Variants in IQCH observed in about 807,000 individuals in gnomAD.
IQCH encodes the protein IQ motif containing H.
Under a neutral mutation model 117.0 loss-of-function variants are expected in IQCH, and 98 were observed. That is an observed-to-expected ratio of 0.84 (90% CI 0.71 to 0.99). The LOEUF is 0.99. Among genes scored for constraint, IQCH ranks in the 50% least tolerant of loss-of-function variants. The probability of loss-of-function intolerance (pLI) is 0.00; values close to 1 mark genes in which losing one functional copy is unlikely to be tolerated. For missense variants in IQCH, 1,102 were observed against 1,243.8 expected (o/e 0.89, Z 1.72); for synonymous variants, 412 against 448.2 (o/e 0.92, Z 1.02).
intron 3 of IQCH, among the ~76,000 whole-genome samples, chr15:67,264,616 T>C (rs1385546629): frequency 1.3e-5 from 2 of 152,164 alleles, no homozygotes; most frequent in Non-Finnish European, 2.9e-5. Context: ...GTGCCCTAGA[T>C]GGAAGCCACA....
rs2083966426 is a variant in IQCH, at chr15:67,501,015, A to G, written c.*269A>G. 4.6e-6 allele frequency: 1 copy of G among 217,470 alleles called. No homozygotes were observed. The highest frequency in any genetic ancestry group is 2.3e-5 in the African/African-American group (1 of 43,910). 13.5% of individuals were successfully genotyped at this position (217,470 alleles called of 1,614,324 possible). A position where few individuals can be genotyped will look rare whatever the true frequency, so the allele number is the denominator to read the frequency against. ...CAAACTCAGAAAAAAGTAATCTGAT[A>G]AAAGAAGAAAGTTAAAAGTCTTACT... On this transcript the variant is annotated 3_prime_UTR_variant, in exon 21 of 21. Transcript: ENST00000335894. The surrounding 1 kb of genome is among the most constrained non-coding windows in gnomAD (Gnocchi z 5.2).
At chr15:67,333,602 A>G (rs1567104125) in intron 4 of IQCH, among the ~76,000 whole-genome samples, 1 of 152,140 alleles carries the variant, frequency 6.6e-6, no homozygotes, top group South Asian at 2.1e-4. Context: ...AAATCTTTAT[A>G]ATGGGCATAC....
intron 18 of IQCH, among the ~76,000 whole-genome samples, chr15:67,477,359 C>T (rs984613102): frequency 1.3e-5 from 2 of 151,828 alleles, no homozygotes; most frequent in African/African-American, 2.4e-5. Flanking sequence ...AAATTTTATA[C>T]GTTCTTAAAA....
chr15:67,363,838 A>G (rs747469372), intron 8 of IQCH, among the ~76,000 whole-genome samples: 4 of 152,240 alleles, frequency 2.6e-5, no homozygotes, highest in Non-Finnish European at 5.9e-5. Flanking sequence ...TATTTTGCTT[A>G]GGATAATAGC....
rs567879910 is a variant in IQCH, at chr15:67,359,676, G to T, written c.715-171G>T. 1.3e-5 allele frequency among the ~76,000 whole-genome samples: 2 copies of T among 152,242 alleles called. No homozygotes were observed. Among genetic ancestry groups the T allele is most frequent in the Non-Finnish European group, 2.9e-5 (2 of 68,046 alleles). ...CTTGGCAAACAGAGCATCGTTGTCA[G>T]TGTGGGAAAGGTCTTTCTAATTATT... On this transcript the variant is annotated intron_variant, in intron 7 of 20. Coordinates refer to ENST00000335894, the MANE Select transcript of IQCH (RefSeq NM_001031715.3). This position sits in a 1 kb window ranked among gnomAD's most constrained non-coding sequence, Gnocchi z 4.5.
At chr15:67,336,753 AC>A (rs1968909412) in intron 4 of IQCH, among the ~76,000 whole-genome samples, 1 of 152,238 alleles carries the variant, frequency 6.6e-6, no homozygotes, top group South Asian at 2.1e-4. Flanking sequence ...AGTGGAAATC[AC>A]AACTTGTTAA....
intron 6 of IQCH, among the ~76,000 whole-genome samples, chr15:67,344,938 G>A (rs1409092415): frequency 6.6e-6 from 1 of 152,150 alleles, no homozygotes; most frequent in African/African-American, 2.4e-5. Flanking sequence ...AATAGGAGTA[G>A]GGTGAGAAGT....
chr15:67,449,090 ATTTG>A (rs1227418539), intron 16 of IQCH, among the ~76,000 whole-genome samples: 1 of 150,410 alleles, frequency 6.6e-6, no homozygotes, highest in Non-Finnish European at 1.5e-5. Flanking sequence ...TTTCTTGTAA[ATTTG>A]TTTGAGTTCA....
At position 67,456,208 on chromosome 15, in the gene IQCH, T is replaced by A. The variant is rs1407969500; in HGVS notation, c.2506-8919T>A. ...GCTGCCGATGATGAAAGTTTAAGTT[T>A]CAAGATTTTCCATTTTTGATCCTCA... On this transcript the variant is annotated intron_variant, in intron 16 of 20. Transcript: ENST00000335894. The surrounding 1 kb of genome is among the most constrained non-coding windows in gnomAD (Gnocchi z 5.1). Among the ~76,000 whole-genome samples, 1 of 152,290 alleles carries A rather than the reference T, an allele frequency of 6.6e-6. No individual in the cohort carries two copies. Among genetic ancestry groups the A allele is most frequent in the East Asian group, 1.9e-4 (1 of 5,186 alleles).
At chr15:67,468,832 A>C (rs1567213974) in intron 17 of IQCH, among the ~76,000 whole-genome samples, 1 of 152,256 alleles carries the variant, frequency 6.6e-6, no homozygotes, top group East Asian at 1.9e-4. Context: ...TAATTCTCAG[A>C]ATATTATAAA....
At chr15:67,269,072 C>A (rs1965795228) in intron 3 of IQCH, among the ~76,000 whole-genome samples, 2 of 149,840 alleles carry the variant, frequency 1.3e-5, no homozygotes, top group East Asian at 3.9e-4. Flanking sequence ...ATCAACAGAC[C>A]ACTCACAGAG....
rs181330256 is a variant in IQCH, at chr15:67,318,965, G to A, written c.388-18010G>A. Among the ~76,000 whole-genome samples, 7 of 152,302 alleles carry A rather than the reference G, an allele frequency of 4.6e-5. No individual in the cohort carries two copies. The East Asian group carries it at 1.3e-3, about 29-fold the overall frequency. ...ATTAGGGCCGGGTGTGGAGGCTCAC[G>A]CCTGTAATCCCAGCACTTTGGGAGG... is the stretch of plus-strand genomic sequence containing the variant. On this transcript the variant is annotated intron_variant, in intron 4 of 20. Coordinates refer to ENST00000335894, the MANE Select transcript of IQCH (RefSeq NM_001031715.3).
intron 4 of IQCH, among the ~76,000 whole-genome samples, chr15:67,317,662 A>T (rs1250433906): frequency 6.6e-6 from 1 of 152,232 alleles, no homozygotes; most frequent in Non-Finnish European, 1.5e-5. Flanking sequence ...GATCTCCTGG[A>T]AGGCAAGAGC....
chr15:67,424,554 G>T lies in IQCH; in HGVS notation c.2505+2977G>T, dbSNP rs2081839899. 6.6e-6 allele frequency among the ~76,000 whole-genome samples: 1 copy of T among 152,118 alleles called. No homozygotes were observed. Among genetic ancestry groups the T allele is most frequent in the African/African-American group, 2.4e-5 (1 of 41,418 alleles). ...CACTGTATTCTCAGCACTTACTTCTGTCCTGGCACAAAGTAGGTATTCAGT... is the reference window on the plus strand; with the variant it reads ...CACTGTATTCTCAGCACTTACTTCTTTCCTGGCACAAAGTAGGTATTCAGT... On this transcript the variant is annotated intron_variant, in intron 16 of 20. Transcript: ENST00000335894. This position sits in a 1 kb window ranked among gnomAD's most constrained non-coding sequence, Gnocchi z 4.9.
rs1404750776 is a variant in IQCH at position 67,473,481 on chromosome 15, G to A, written c.2677-2215G>A. Among the ~76,000 whole-genome samples the A allele has an allele frequency of 6.6e-6, 1 of 152,244 alleles. No homozygotes were observed. The highest frequency in any genetic ancestry group is 1.5e-5 in the Non-Finnish European group (1 of 68,054). Reference sequence around the variant, plus strand: ...GTCCTTCTCTAAGGATGGTGTGACTGTCCCCTGTGCCATGTAATAATCACC... The same window carrying A: ...GTCCTTCTCTAAGGATGGTGTGACTATCCCCTGTGCCATGTAATAATCACC... On this transcript the variant is annotated intron_variant, in intron 17 of 20. Transcript: ENST00000335894. This position sits in a 1 kb window ranked among gnomAD's most constrained non-coding sequence, Gnocchi z 4.9.
intron 4 of IQCH, among the ~76,000 whole-genome samples, chr15:67,306,579 T>G (rs769604136): frequency 3.9e-5 from 6 of 152,158 alleles, no homozygotes; most frequent in African/African-American, 7.2e-5. Flanking sequence ...CTCCATCTTA[T>G]GAAGTGGTGT....
intron 1 of IQCH, 53 bp from the exon 2 acceptor site, chr15:67,261,219 T>TAG: frequency 1.6e-6 from 2 of 1,281,968 alleles, no homozygotes; most frequent in Non-Finnish European, 2.1e-6. Flanking sequence ...ATAACTGCTA[T>TAG]AGGTGGACTA....
In IQCH at chr15:67,417,642, A is replaced by G. The variant is rs2081610300; in HGVS notation, c.2218+591A>G. The stretch of plus-strand genomic sequence containing the variant: ...ATCCTCCTCCTCCTACTTCATCCTC[A>G]TTTCCTAACAACATTGGGTGGTCTA... On this transcript the variant is annotated intron_variant, in intron 15 of 20. Transcript: ENST00000335894. This position sits in a 1 kb window ranked among gnomAD's most constrained non-coding sequence, Gnocchi z 4.3. 6.6e-6 allele frequency among the ~76,000 whole-genome samples: 1 copy of G among 152,012 alleles called. No homozygotes were observed. The highest frequency in any genetic ancestry group is 2.1e-4 in the South Asian group (1 of 4,810).
intron 4 of IQCH, among the ~76,000 whole-genome samples, chr15:67,283,023 G>A (rs993556896): frequency 2.6e-5 from 4 of 152,094 alleles, no homozygotes; most frequent in Non-Finnish European, 4.4e-5. Context: ...TGAAATATCA[G>A]TAAGTAGTAT....
Sources: allele counts gnomAD v4.1 joint callset (sites outside exome capture counted in the v4.1 genomes callset), GRCh38; gene constraint gnomAD v4.1.1; non-coding constraint Gnocchi (gnomAD v3.1); transcripts MANE v1.5; gene names NCBI Gene and HGNC (gene_info 2026-07-23, HGNC 2026-07-21).